LARGE1: variants seen among roughly 807,000 people sequenced by gnomAD.
LARGE1 encodes xylosyl- and glucuronyltransferase LARGE1.
Under a neutral mutation model 87.6 loss-of-function variants are expected in LARGE1, and 43 were observed. That is an observed-to-expected ratio of 0.49 (90% CI 0.38 to 0.63). The LOEUF (loss-of-function observed/expected upper bound fraction) is 0.63. Ranked by LOEUF, LARGE1 falls within the 30% of genes least tolerant of loss-of-function variation. The pLI is 0.00. For missense variants in LARGE1, 802 were observed against 1,000.2 expected, an observed-to-expected ratio of 0.80 and a Z score of 2.67; for synonymous variants, 434 against 394.6, an observed-to-expected ratio of 1.10 and a Z score of -1.18.
chr22:33,227,896 C>T (rs1047353082), intron 11 of LARGE1, among the ~76,000 whole-genome samples: 3 of 152,164 alleles, frequency 2.0e-5, no homozygotes, highest in Non-Finnish European at 4.4e-5. Flanking sequence ...TCTTGTTCAT[C>T]CATCATCTAT....
chr22:33,769,958 A>G (rs899924209), intron 1 of LARGE1, among the ~76,000 whole-genome samples: 7 of 152,202 alleles, frequency 4.6e-5, no homozygotes, highest in African/African-American at 1.7e-4. Flanking sequence ...CCAACAGGTT[A>G]TAGTAATTTA....
rs373250148 is a variant in LARGE1 at position 33,419,671 on chromosome 22, TTTGTTG to T, written c.892+12484_892+12489del. 1.3e-3 allele frequency among the ~76,000 whole-genome samples: 190 copies of T among 151,098 alleles called. 1 individual carries two copies. Among genetic ancestry groups the T allele is most frequent in the Non-Finnish European group, 1.3e-4 (9 of 67,632 alleles). ...ATTTGTGGCCAGATGAATCTTTGTT[TTTGTTG>T]TTGTTGTTGTTGTTTTTTGTTTGTT... is the stretch of plus-strand genomic sequence containing the variant. On this transcript the variant is annotated intron_variant, in intron 7 of 14. Transcript: ENST00000397394.
chr22:33,599,952 C>G (rs777348886), intron 5 of LARGE1, among the ~76,000 whole-genome samples: 1 of 152,162 alleles, frequency 6.6e-6, no homozygotes, highest in Admixed American at 6.5e-5. Context: ...GACACTCACT[C>G]ACCTGTCCCA....
rs538137935 is a variant in LARGE1, at chr22:33,243,310, C to T, written c.1730+60919G>A. ...TTTGATGCGTTTTGACACATGTACA[C>T]ATCTATTTAACTTCTACCACTATCA... is the stretch of plus-strand genomic sequence containing the variant. On this transcript the variant is annotated intron_variant, in intron 11 of 11. Coordinates refer to the LARGE1 transcript ENST00000608642. Among the ~76,000 whole-genome samples, 22 of 152,312 alleles carry T rather than the reference C, an allele frequency of 1.4e-4. No individual in the cohort carries two copies. In the South Asian group the frequency reaches 4.1e-3, roughly 29 times the overall value.
intron 7 of LARGE1, among the ~76,000 whole-genome samples, chr22:33,415,254 C>T (rs2066444273): frequency 6.6e-6 from 1 of 152,164 alleles, no homozygotes; most frequent in Non-Finnish European, 1.5e-5. Flanking sequence ...AATCAGCATG[C>T]AGTAGCTCTG....
At chr22:33,541,392 T>C (rs2077205666) in intron 6 of LARGE1, among the ~76,000 whole-genome samples, 1 of 152,002 alleles carries the variant, frequency 6.6e-6, no homozygotes, top group Non-Finnish European at 1.5e-5. Flanking sequence ...TATATTATGA[T>C]CCCAATTTTA....
At chr22:33,305,819 A>G (rs975520134) in intron 11 of LARGE1, among the ~76,000 whole-genome samples, 8 of 150,270 alleles carry the variant, frequency 5.3e-5, no homozygotes, top group Admixed American at 1.3e-4. Flanking sequence ...AACCAAATTG[A>G]CCAGAAACAT....
intron 2 of LARGE1, among the ~76,000 whole-genome samples, chr22:33,742,029 G>A (rs1243334385): frequency 3.3e-5 from 5 of 152,112 alleles, no homozygotes; most frequent in African/African-American, 1.2e-4. Flanking sequence ...TAACCATTTG[G>A]GGCCTCAGTT....
the LARGE1 span, among the ~76,000 whole-genome samples, chr22:33,070,364 C>T: frequency 6.6e-6 from 1 of 152,100 alleles, no homozygotes; most frequent in African/African-American, 2.4e-5. Context: ...GACTTCGATC[C>T]CTCTGGGGAT....
At chr22:33,106,556 C>G in the LARGE1 span, among the ~76,000 whole-genome samples, 3 of 151,910 alleles carry the variant, frequency 2.0e-5, no homozygotes, top group African/African-American at 7.2e-5. Context: ...AGTGCAGTGG[C>G]ACGATCTCGG....
At position 33,710,064 on chromosome 22, in the gene LARGE1, T is replaced by C. The variant is rs975480709; in HGVS notation, c.106+51307A>G. On this transcript the variant is annotated intron_variant, in intron 2 of 14. Transcript: ENST00000397394. The stretch of plus-strand genomic sequence containing the variant: ...GTTGTCTATGTTCCCACTTGGAAAA[T>C]GCTACTGCCGTTCAACAAATGTCTG... Among the ~76,000 whole-genome samples the C allele has an allele frequency of 9.4e-5, 14 of 149,608 alleles. No individual in the cohort carries two copies. In the Middle Eastern group the frequency reaches 0.011, roughly 114 times the overall value.
In LARGE1 at chr22:33,763,836, T is replaced by C. The variant is rs947818364; in HGVS notation, c.-82-2278A>G. ...GGCAGAAAAGCAGCCTTAATTAGTT[T>C]GCTTTTTTTTTTTTTTTTTTTTTTT... is the stretch of plus-strand genomic sequence containing the variant. On this transcript the variant is annotated intron_variant, in intron 1 of 14. Transcript: ENST00000397394. Among the ~76,000 whole-genome samples, 4 of 128,888 alleles carry C rather than the reference T, an allele frequency of 3.1e-5. 1 individual carries two copies. The highest frequency in any genetic ancestry group is 6.3e-5 in the Non-Finnish European group (4 of 63,338). The allele number at this position is 128,888 out of a possible 152,430, so 84.6% of individuals were successfully genotyped here.
At chr22:33,737,089 C>T (rs1169590073) in intron 2 of LARGE1, among the ~76,000 whole-genome samples, 1 of 152,174 alleles carries the variant, frequency 6.6e-6, no homozygotes, top group African/African-American at 2.4e-5. Flanking sequence ...TGTGGCACCC[C>T]CACGTAAACA....
At position 33,579,603 on chromosome 22, in the gene LARGE1, T is replaced by C. The variant is rs180695120; in HGVS notation, c.616-14584A>G. Among the ~76,000 whole-genome samples, 192 of 152,266 alleles carry C rather than the reference T, an allele frequency of 1.3e-3. 1 individual carries two copies. Among genetic ancestry groups the C allele is most frequent in the African/African-American group, 4.4e-3 (182 of 41,562 alleles). On this transcript the variant is annotated intron_variant, in intron 5 of 14. Coordinates refer to ENST00000397394, the MANE Select transcript of LARGE1 (RefSeq NM_133642.5). ...CCCCAGCCCAGGGCTGGCCACACTT[T>C]GGAATTACATGGGCGCACTACTGGG...
chr22:33,317,910 T>G lies in LARGE1; in HGVS notation c.1288-1662A>C, dbSNP rs1323907853. ...GAGCGATGGGTACATGGATGTGCAC[T>G]TTCGTGAAAATTCAACAAACTGTGC... On this transcript the variant is annotated intron_variant, in intron 10 of 14. Coordinates refer to ENST00000397394, the MANE Select transcript of LARGE1 (RefSeq NM_133642.5). Among the ~76,000 whole-genome samples, 3 of 152,058 alleles carry G rather than the reference T, an allele frequency of 2.0e-5. No homozygotes were observed. The East Asian group carries it at 5.8e-4, about 29-fold the overall frequency.
chr22:33,848,985 T>C (rs776787603), intron 1 of LARGE1, among the ~76,000 whole-genome samples: 13 of 152,230 alleles, frequency 8.5e-5, no homozygotes, highest in Middle Eastern at 3.2e-3. Flanking sequence ...TTGTTCTTCA[T>C]GGGTTTACAC....
intron 4 of LARGE1, among the ~76,000 whole-genome samples, chr22:33,619,277 G>C (rs927151265): frequency 3.3e-5 from 5 of 152,050 alleles, no homozygotes; most frequent in African/African-American, 1.2e-4. Flanking sequence ...TAATGAGACC[G>C]GGCACAGTGG....
intron 6 of LARGE1, among the ~76,000 whole-genome samples, chr22:33,446,554 C>T (rs140773830): frequency 9.8e-5 from 15 of 152,294 alleles, no homozygotes; most frequent in African/African-American, 2.9e-4. Flanking sequence ...GGTATCTGCA[C>T]AGAATCTGAT....
At chr22:33,527,830 G>A (rs1055053524) in intron 6 of LARGE1, among the ~76,000 whole-genome samples, 2 of 152,154 alleles carry the variant, frequency 1.3e-5, no homozygotes, top group African/African-American at 4.8e-5. Context: ...GTTCCCAAAT[G>A]ACAAACCACA....
Sources: gnomAD v4.1 joint callset for allele counts (sites outside exome capture counted in the v4.1 genomes callset) on GRCh38, gnomAD v4.1.1 for gene constraint, MANE v1.5 for transcripts, NCBI Gene and HGNC (gene_info 2026-07-23, HGNC 2026-07-21) for gene names.